The following KANK3 variants were observed in gnomAD, a reference collection of about 807,000 sequenced individuals.
The protein encoded by KANK3 is KN motif and ankyrin repeat domain-containing protein 3.
KANK3 carries 61 observed loss-of-function variants against 65.4 expected under a neutral mutation model. The observed-to-expected ratio is 0.93, with a 90% CI of 0.76 to 1.15. The LOEUF (loss-of-function observed/expected upper bound fraction) is 1.15. Ranked by LOEUF, KANK3 falls within the 50% of genes most tolerant of loss-of-function variation. The pLI, the probability that KANK3 is intolerant of heterozygous loss-of-function variation, is 0.00. For synonymous variants in KANK3, 586 were observed against 543.3 expected, an observed-to-expected ratio of 1.08 and a Z score of -1.09; for missense variants, 1,187 against 1,178.8, an observed-to-expected ratio of 1.01 and a Z score of -0.10.
chr19:8,338,743 C>T (rs576251544), intron 1 of KANK3, among the ~76,000 whole-genome samples: 121 of 151,886 alleles, frequency 8.0e-4, no homozygotes, highest in Non-Finnish European at 1.7e-3. Flanking sequence ...GGCGTGGTGG[C>T]AGGCGCCTGT....
chr19:8,328,016 C>T (rs1352441183), intron 7 of KANK3, among the ~76,000 whole-genome samples: 2 of 152,158 alleles, frequency 1.3e-5, no homozygotes, highest in East Asian at 1.9e-4. Flanking sequence ...CAGTGGCTTA[C>T]GCCTATAATT....
At chr19:8,325,975 C>T (rs1970420605) in intron 7 of KANK3, among the ~76,000 whole-genome samples, 1 of 152,090 alleles carries the variant, frequency 6.6e-6, no homozygotes, top group African/African-American at 2.4e-5. Context: ...TACAGGCATG[C>T]ACCACCACGC....
chr19:8,325,984 G>T (rs757209740), intron 7 of KANK3, among the ~76,000 whole-genome samples: 10 of 152,042 alleles, frequency 6.6e-5, no homozygotes, highest in Non-Finnish European at 1.3e-4. Context: ...GCACCACCAC[G>T]CCCAGCTAAT....
rs901181600 is a variant in KANK3, at chr19:8,335,587, G to T, written c.240C>A (p.Leu80=). 1.6e-6 allele frequency: 2 copies of T among 1,224,788 alleles called. No homozygotes were observed. Among genetic ancestry groups the T allele is most frequent in the African/African-American group, 1.6e-5 (1 of 63,460 alleles). The allele number at this position is 1,224,788 out of a possible 1,614,324, so 75.9% of individuals were successfully genotyped here. The change falls in exon 3 of 11, where the codon CTC becomes CTA. Residue 80 remains leucine (L), a synonymous_variant. Transcript: ENST00000330915. The part of the protein sequence containing the change: ...SRRPRAPRPG[L]AGARSPGAWT... ...AGGCGCCTGGGCTACGTGCGCCCGC[G>T]AGGCCGGGCCGGGGCGCGCGGGGAC...
rs780334264 is a variant in KANK3, at chr19:8,335,251, C to T, written c.576G>A (p.Ala192=). Residue 192 remains alanine (A), a synonymous_variant, in exon 3 of 11, where the codon GCG becomes GCA. Transcript: ENST00000330915. ...QLQLVREQMA[A]ALRRLRELED... ...CGAGCTCGCGCAGGCGCCGCAGCGC[C>T]GCGGCCATCTGCTCGCGCACCAGCT... 3 of 1,225,548 alleles carry T rather than the reference C, an allele frequency of 2.4e-6. No individual in the cohort carries two copies. Among genetic ancestry groups the T allele is most frequent in the South Asian group, 6.1e-5 (2 of 32,946 alleles). The allele number at this position is 1,225,548 out of a possible 1,614,324, so 75.9% of individuals were successfully genotyped here.
chr19:8,340,725 C>A (rs1198572756), intron 1 of KANK3, among the ~76,000 whole-genome samples: 1 of 152,188 alleles, frequency 6.6e-6, no homozygotes, highest in Non-Finnish European at 1.5e-5. Context: ...ACTCCATTTC[C>A]CACTTCTGTC....
At chr19:8,323,028 A>T in intron 10 of KANK3, 106 bp from the exon 11 acceptor site, 1 of 632,842 alleles carries the variant, frequency 1.6e-6, no homozygotes, top group Non-Finnish European at 2.6e-6. Flanking sequence ...CCATGGACCC[A>T]GGCTGCCTGG....
Position 8,324,498 on chromosome 19 carries a change from A to G in KANK3, c.2333T>C (p.Val778Ala), listed in dbSNP as rs1215444102. The G allele has an allele frequency of 1.2e-6, 2 of 1,613,092 alleles. No individual in the cohort carries two copies. Among genetic ancestry groups the G allele is most frequent in the South Asian group, 1.1e-5 (1 of 90,938 alleles). ...AIALEAEQDE[V>A]AALLHAHLSS... ...CAGGTGGGCATGTAGCAGAGCGGCC[A>G]CCTCATCCTGCTCAGCCTCCAGGGC... Residue 778 changes from valine (V) to alanine (A), a missense_variant, in exon 10 of 11, where the codon GTG becomes GCG. Val to Ala is a moderately conservative substitution (Grantham distance 64, BLOSUM62 0). Coordinates refer to ENST00000330915, the MANE Select transcript of KANK3 (RefSeq NM_198471.3).
intron 7 of KANK3, among the ~76,000 whole-genome samples, chr19:8,330,828 C>T (rs574250594): frequency 2.0e-5 from 3 of 152,062 alleles, no homozygotes; most frequent in Admixed American, 6.6e-5. Context: ...CACTTGAACC[C>T]GGGAGGTGGA....
chr19:8,334,246 G>C (rs1245572664), intron 4 of KANK3, 74 bp downstream of exon 4: 1 of 1,586,968 alleles, frequency 6.3e-7, no homozygotes, highest in East Asian at 2.3e-5. Flanking sequence ...GCTGCCAGTA[G>C]AGGGGCAGAG....
At position 8,325,062 on chromosome 19, in the gene KANK3, G is replaced by C. The variant is rs774170000; in HGVS notation, c.1971C>G (p.Gly657=). 2 of 1,613,798 alleles carry C rather than the reference G, an allele frequency of 1.2e-6. No individual in the cohort carries two copies. Among genetic ancestry groups the C allele is most frequent in the Admixed American group, 1.7e-5 (1 of 59,994 alleles). The part of the protein sequence containing the change: ...ACEVNRQNRA[G]YSALMLAALT... ...GTGCAGCCAGCATGAGGGCCGAGTA[G>C]CCGGCTCGGTTCTGGCGGTTGACCT... Residue 657 remains glycine, a synonymous_variant, in exon 8 of 11, where the codon GGC becomes GGG. Coordinates refer to ENST00000330915, the MANE Select transcript of KANK3 (RefSeq NM_198471.3).
In KANK3 at chr19:8,335,656, A is replaced by G; in HGVS notation, c.171T>C (p.Arg57=). The change falls in exon 3 of 11, where the codon CGT becomes CGC. Residue 57 remains arginine, a synonymous_variant. Transcript: ENST00000330915. ...CCGGGGCGCGGCGGGCAGCGGGGCC[A>G]CGCTCCAGCTCCTCTATGTACTTGA... ...DFLKYIEELE[R]GPAARRAPGP... 1 of 1,250,114 alleles carries G rather than the reference A, an allele frequency of 8.0e-7. No homozygotes were observed. The highest frequency in any genetic ancestry group is 1.0e-6 in the Non-Finnish European group (1 of 994,190). 77.4% of individuals were successfully genotyped at this position (1,250,114 alleles called of 1,614,324 possible).
intron 1 of KANK3, 86 bp from the exon 2 acceptor site, chr19:8,337,942 C>G: frequency 2.6e-6 from 4 of 1,559,448 alleles, no homozygotes; most frequent in African/African-American, 1.4e-5. Flanking sequence ...CAAACAGGAC[C>G]CAAGAGCTCT....
In KANK3 at chr19:8,325,056, C is replaced by A; in HGVS notation, c.1977G>T (p.Ser659=). The A allele has an allele frequency of 1.9e-6, 3 of 1,613,796 alleles. No individual in the cohort carries two copies. The South Asian group carries it at 3.3e-5, about 18-fold the overall frequency. ...EVNRQNRAGY[S]ALMLAALTSV... is the part of the protein sequence containing the mutation. ...AGGTGAGTGCAGCCAGCATGAGGGC[C>A]GAGTAGCCGGCTCGGTTCTGGCGGT... is the stretch of plus-strand genomic sequence containing the variant. The change falls in exon 8 of 11, where the codon TCG becomes TCT. Residue 659 remains serine (S), a synonymous_variant. Coordinates refer to ENST00000330915, the MANE Select transcript of KANK3 (RefSeq NM_198471.3).
rs1380999296 is a variant in KANK3, at chr19:8,334,683, C to T, written c.1144G>A (p.Ala382Thr). 2 of 1,534,238 alleles carry T rather than the reference C, an allele frequency of 1.3e-6. No homozygotes were observed. The highest frequency in any genetic ancestry group is 2.7e-5 in the African/African-American group (2 of 72,744). Residue 382 changes from alanine (A) to threonine (T), a missense_variant, in exon 3 of 11, where the codon GCC (alanine) becomes ACC (threonine). By Grantham distance (58) the Ala-to-Thr change is moderately conservative. Around this residue, in one of 3 missense-constraint regions of KANK3, gnomAD observed 1,078 missense variants for 1,038.2 expected, o/e 1.04. Transcript: ENST00000330915. ...GCTGCCTCCTCCGCAGCCTCGCGGG[C>T]TTCCTCCAGCTCCCGCAACCGGCCC... ...LRGRLRELEE[A>T]REAAEEAAAG... is the part of the protein sequence containing the mutation.
chr19:8,326,846 C>G (rs1002031705), intron 7 of KANK3, among the ~76,000 whole-genome samples: 1 of 151,878 alleles, frequency 6.6e-6, no homozygotes, highest in Non-Finnish European at 1.5e-5. Flanking sequence ...AGAAGTCTGG[C>G]CACCTGTTGT....
chr19:8,328,171 G>A (rs1472985631), intron 7 of KANK3, among the ~76,000 whole-genome samples: 1 of 152,038 alleles, frequency 6.6e-6, no homozygotes, highest in East Asian at 1.9e-4. Flanking sequence ...CCCGCTACTT[G>A]GGAGACTGAG....
At chr19:8,338,082 C>T in intron 1 of KANK3, 1 of 576,822 alleles carries the variant, frequency 1.7e-6, no homozygotes, top group Non-Finnish European at 2.2e-6. Context: ...AGTGCAATGC[C>T]ACAATCTCGG....
At chr19:8,331,586 C>T (rs1041384767) in intron 7 of KANK3, among the ~76,000 whole-genome samples, 2 of 152,112 alleles carry the variant, frequency 1.3e-5, no homozygotes, top group Non-Finnish European at 2.9e-5. Context: ...TGGTGGACAG[C>T]GATTTGTTTA....
Sources: allele counts gnomAD v4.1 joint callset (sites outside exome capture counted in the v4.1 genomes callset), GRCh38; gene constraint gnomAD v4.1.1; regional missense constraint gnomAD v4.1.1; transcripts MANE v1.5; gene names NCBI Gene and HGNC (gene_info 2026-07-23, HGNC 2026-07-21).